The following OLA1 variants were observed in gnomAD, a reference collection of about 807,000 sequenced individuals.
The protein encoded by OLA1 is Obg like ATPase 1.
In OLA1, 14 loss-of-function variants were observed where a neutral mutation model predicts 48.4. That is an observed-to-expected ratio of 0.29 (90% CI 0.19 to 0.45). The LOEUF (loss-of-function observed/expected upper bound fraction) is 0.45. Among genes scored for constraint, OLA1 ranks in the 20% least tolerant of loss-of-function variants. The probability of loss-of-function intolerance (pLI) is 1.00; values close to 1 mark genes in which losing one functional copy is unlikely to be tolerated. For missense variants in OLA1, 325 were observed against 467.1 expected (o/e 0.70, Z 2.80); for synonymous variants, 127 against 150.4 (o/e 0.84, Z 1.14).
intron 5 of OLA1, among the ~76,000 whole-genome samples, chr2:174,128,680 T>C (rs950712313): frequency 1.3e-5 from 2 of 149,760 alleles, no homozygotes; most frequent in Admixed American, 1.3e-4. Flanking sequence ...GAGGTTGCAG[T>C]GAGCCGAGAT....
At chr2:174,191,712 C>T (rs948968669) in intron 4 of OLA1, among the ~76,000 whole-genome samples, 7 of 152,136 alleles carry the variant, frequency 4.6e-5, no homozygotes, top group Middle Eastern at 3.2e-3. Context: ...ATCCTCTCAG[C>T]TTGGCCTCCA....
intron 2 of OLA1, among the ~76,000 whole-genome samples, chr2:174,234,194 A>C (rs747703808): frequency 1.3e-5 from 2 of 152,190 alleles, no homozygotes; most frequent in Non-Finnish European, 2.9e-5. Context: ...CACTTAGTGA[A>C]TAGTAGCTAC....
In OLA1 at chr2:174,136,829, G is replaced by A. The variant is rs189365457; in HGVS notation, c.549+4996C>T. ...TAGGATTACAGGCACATGCTGCCAC[G>A]CCTGGTTAATTTTTTTTTTGTATTT... On this transcript the variant is annotated intron_variant, in intron 5 of 10. Coordinates refer to ENST00000284719, the MANE Select transcript of OLA1 (RefSeq NM_013341.5). 1.9e-3 allele frequency among the ~76,000 whole-genome samples: 282 copies of A among 148,294 alleles called. 1 individual carries two copies. Among genetic ancestry groups the A allele is most frequent in the African/African-American group, 6.5e-3 (266 of 41,204 alleles).
intron 2 of OLA1, among the ~76,000 whole-genome samples, chr2:174,239,174 C>T (rs1688935565): frequency 6.6e-6 from 1 of 152,070 alleles, no homozygotes; most frequent in South Asian, 2.1e-4. Context: ...ACAATAATAA[C>T]TGTTTCAGTA....
chr2:174,085,647 C>T (rs1558946281), intron 7 of OLA1, among the ~76,000 whole-genome samples: 1 of 152,164 alleles, frequency 6.6e-6, no homozygotes, highest in East Asian at 1.9e-4. Flanking sequence ...CTCAAATTTA[C>T]TTTTAGCCTT....
intron 4 of OLA1, among the ~76,000 whole-genome samples, chr2:174,198,170 C>T (rs772373815): frequency 5.3e-5 from 8 of 152,078 alleles, no homozygotes; most frequent in Non-Finnish European, 1.0e-4. Context: ...ACCATGTTGG[C>T]CAGGATGATC....
chr2:174,112,099 C>T (rs1685667041), intron 7 of OLA1, among the ~76,000 whole-genome samples: 1 of 152,088 alleles, frequency 6.6e-6, no homozygotes, highest in Non-Finnish European at 1.5e-5. Flanking sequence ...ACAACAAAAC[C>T]TTACCTAAAT....
Position 174,147,917 on chromosome 2 carries a change from A to G in OLA1, c.374-5917T>C, listed in dbSNP as rs577020516. On this transcript the variant is annotated intron_variant, in intron 4 of 10. Coordinates refer to ENST00000284719, the MANE Select transcript of OLA1 (RefSeq NM_013341.5). ...CAGCTCACTGCAATCTCCACCTCCC[A>G]GGTTCAAGCAATTCTAGTGCCTCAG... Among the ~76,000 whole-genome samples, 3 of 152,242 alleles carry G rather than the reference A, an allele frequency of 2.0e-5. No individual in the cohort carries two copies. The South Asian group carries it at 6.2e-4, about 32-fold the overall frequency.
chr2:174,164,347 C>T (rs1687107815), intron 4 of OLA1, among the ~76,000 whole-genome samples: 1 of 42,922 alleles, frequency 2.3e-5, no homozygotes, highest in African/African-American at 1.1e-4. Context: ...TGGCACTACG[C>T]AATACCATTC....
At chr2:174,110,885 T>C (rs1323269248) in intron 7 of OLA1, among the ~76,000 whole-genome samples, 1 of 152,186 alleles carries the variant, frequency 6.6e-6, no homozygotes, top group Admixed American at 6.5e-5. Context: ...CTTGGCCTAA[T>C]TGCAACGTTT....
At chr2:174,187,264 T>G (rs1223051640) in intron 4 of OLA1, among the ~76,000 whole-genome samples, 1 of 152,208 alleles carries the variant, frequency 6.6e-6, no homozygotes, top group Non-Finnish European at 1.5e-5. Flanking sequence ...CAAGTCTATA[T>G]TGCTCGAGAA....
At chr2:174,230,599 C>T (rs1371247010) in intron 2 of OLA1, among the ~76,000 whole-genome samples, 1 of 152,130 alleles carries the variant, frequency 6.6e-6, no homozygotes, top group African/African-American at 2.4e-5. Context: ...ATCTGACCAA[C>T]ACTTTACATG....
intron 4 of OLA1, among the ~76,000 whole-genome samples, chr2:174,164,889 G>A (rs1310618049): frequency 6.6e-6 from 1 of 152,160 alleles, no homozygotes; most frequent in Non-Finnish European, 1.5e-5. Context: ...TGCAAGACTT[G>A]AACAAAGTCA....
At chr2:174,218,413 C>T (rs921688614) in intron 4 of OLA1, among the ~76,000 whole-genome samples, 14 of 152,188 alleles carry the variant, frequency 9.2e-5, no homozygotes, top group African/African-American at 3.1e-4. Context: ...TCTTGTAATT[C>T]CTCATGCAAA....
chr2:174,184,979 G>A (rs1024294262), intron 4 of OLA1, among the ~76,000 whole-genome samples: 1 of 152,130 alleles, frequency 6.6e-6, no homozygotes, highest in African/African-American at 2.4e-5. Context: ...GGAAGTGAAA[G>A]GGATTCCAAA....
chr2:174,210,985 C>G (rs1688227385), intron 4 of OLA1, among the ~76,000 whole-genome samples: 1 of 152,150 alleles, frequency 6.6e-6, no homozygotes, highest in Non-Finnish European at 1.5e-5. Context: ...TGGCCACTTC[C>G]TGGCTCTACC....
chr2:174,141,383 T>A (rs544763152), intron 5 of OLA1, among the ~76,000 whole-genome samples: 34 of 152,378 alleles, frequency 2.2e-4, no homozygotes, highest in African/African-American at 7.9e-4. Context: ...CAATGAGGCA[T>A]GTTTTCATTC....
intron 4 of OLA1, among the ~76,000 whole-genome samples, chr2:174,203,217 G>C (rs1688028725): frequency 6.6e-6 from 1 of 152,074 alleles, no homozygotes. Context: ...CAAATCAAAT[G>C]AAGCAAACTA....
intron 3 of OLA1, among the ~76,000 whole-genome samples, chr2:174,225,838 T>C (rs1688604518): frequency 6.6e-6 from 1 of 152,190 alleles, no homozygotes; most frequent in Non-Finnish European, 1.5e-5. Context: ...AGGCTTCACG[T>C]TTCTTTTTAT....
Sources: gnomAD v4.1 joint callset for allele counts (sites outside exome capture counted in the v4.1 genomes callset) on GRCh38, gnomAD v4.1.1 for gene constraint, MANE v1.5 for transcripts, NCBI Gene and HGNC (gene_info 2026-07-23, HGNC 2026-07-21) for gene names.